Variants in CHSY3 observed in about 807,000 individuals in gnomAD.
The protein encoded by CHSY3 is N-acetylgalactosaminyl-proteoglycan 3-beta-glucuronosyltransferase 3.
CHSY3 carries 35 observed loss-of-function variants against 67.2 expected under a neutral mutation model. That is an observed-to-expected ratio of 0.52 (90% CI 0.40 to 0.69). The LOEUF (loss-of-function observed/expected upper bound fraction) is 0.69, where lower values mean the gene tolerates loss of function less well. Among genes scored for constraint, CHSY3 ranks in the 30% least tolerant of loss-of-function variants. The probability of loss-of-function intolerance (pLI) is 0.00; values close to 1 mark genes in which losing one functional copy is unlikely to be tolerated. For synonymous variants in CHSY3, 474 were observed against 434.7 expected (o/e 1.09, Z -1.12); for missense variants, 1,069 against 1,138.5 (o/e 0.94, Z 0.88).
At chr5:129,944,199 A>G (rs926865528) in intron 2 of CHSY3, among the ~76,000 whole-genome samples, 4 of 152,232 alleles carry the variant, frequency 2.6e-5, no homozygotes, top group Admixed American at 6.5e-5. Flanking sequence ...TTCAACAGAG[A>G]TAAGTGACCC....
At chr5:130,057,161 T>C (rs941534010) in intron 2 of CHSY3, among the ~76,000 whole-genome samples, 4 of 151,874 alleles carry the variant, frequency 2.6e-5, no homozygotes, top group African/African-American at 9.7e-5. Context: ...CCTGACCTTG[T>C]GATCCACCCA....
At chr5:129,989,774 G>T (rs1256238439) in intron 2 of CHSY3, among the ~76,000 whole-genome samples, 2 of 152,170 alleles carry the variant, frequency 1.3e-5, no homozygotes, top group Admixed American at 1.3e-4. Context: ...TAATTATAGT[G>T]CATGCTTCAT....
intron 2 of CHSY3, among the ~76,000 whole-genome samples, chr5:129,929,488 C>T (rs181488537): frequency 2.6e-4 from 39 of 152,272 alleles, no homozygotes; most frequent in Admixed American, 2.4e-3. Context: ...ACACATCACA[C>T]TAGAATTTCA....
At chr5:129,975,376 G>A (rs1280856460) in intron 2 of CHSY3, among the ~76,000 whole-genome samples, 2 of 152,036 alleles carry the variant, frequency 1.3e-5, no homozygotes, top group Non-Finnish European at 2.9e-5. Flanking sequence ...ATTACAAAAT[G>A]ACTTATCGTT....
intron 2 of CHSY3, among the ~76,000 whole-genome samples, chr5:129,986,614 A>T (rs1421578152): frequency 6.6e-6 from 1 of 152,122 alleles, no homozygotes; most frequent in Non-Finnish European, 1.5e-5. Flanking sequence ...TTTCAACATT[A>T]TCAGAAAAGG....
chr5:130,183,583 T>C (rs897634851), intron 2 of CHSY3, among the ~76,000 whole-genome samples: 11 of 152,100 alleles, frequency 7.2e-5, no homozygotes, highest in African/African-American at 2.7e-4. Context: ...CGTGATCTGT[T>C]ATGGGGTTAT....
At chr5:130,171,100 C>G (rs778791832) in intron 2 of CHSY3, among the ~76,000 whole-genome samples, 1 of 151,958 alleles carries the variant, frequency 6.6e-6, no homozygotes, top group Non-Finnish European at 1.5e-5. Context: ...ATAGTGAGTA[C>G]TTAAAATGTT....
intron 2 of CHSY3, among the ~76,000 whole-genome samples, chr5:130,126,983 T>C (rs1768313732): frequency 6.6e-6 from 1 of 152,168 alleles, no homozygotes; most frequent in African/African-American, 2.4e-5. Flanking sequence ...CCTTTTTGGC[T>C]TTGCACCAAG....
chr5:130,061,943 CATT>C (rs1486994394), intron 2 of CHSY3, among the ~76,000 whole-genome samples: 1 of 150,748 alleles, frequency 6.6e-6, no homozygotes, highest in Admixed American at 6.6e-5. Context: ...AACACTTAGA[CATT>C]GTTGGTAAGA....
intron 2 of CHSY3, among the ~76,000 whole-genome samples, chr5:130,048,518 G>A (rs1367337654): frequency 6.6e-6 from 1 of 151,912 alleles, no homozygotes; most frequent in African/African-American, 2.4e-5. Context: ...TCTATGGAGT[G>A]CAGCTTGGAG....
intron 1 of CHSY3, among the ~76,000 whole-genome samples, chr5:129,906,489 G>T (rs1203373647): frequency 1.3e-5 from 2 of 152,206 alleles, no homozygotes; most frequent in Non-Finnish European, 2.9e-5. Context: ...GAGGCTGGAA[G>T]TCCTTCCCAG....
chr5:130,083,948 CT>C (rs1766523049), intron 2 of CHSY3, among the ~76,000 whole-genome samples: 1 of 151,162 alleles, frequency 6.6e-6, no homozygotes, highest in Non-Finnish European at 1.5e-5. Context: ...CAGTTTTTTC[CT>C]TCCTCCAAAT....
intron 2 of CHSY3, among the ~76,000 whole-genome samples, chr5:130,091,742 G>A (rs888662989): frequency 6.6e-6 from 1 of 152,078 alleles, no homozygotes; most frequent in African/African-American, 2.4e-5. Context: ...TTTAGATAGG[G>A]GGAAATGGCA....
At chr5:129,960,028 C>A (rs1214910214) in intron 2 of CHSY3, among the ~76,000 whole-genome samples, 1 of 152,036 alleles carries the variant, frequency 6.6e-6, no homozygotes, top group Non-Finnish European at 1.5e-5. Context: ...AGTTTTATGA[C>A]AAGAGATGAT....
chr5:130,095,233 T>C (rs1767005087), intron 2 of CHSY3, among the ~76,000 whole-genome samples: 1 of 152,130 alleles, frequency 6.6e-6, no homozygotes, highest in South Asian at 2.1e-4. Flanking sequence ...ATTTCCCCAA[T>C]AGCAATGAGC....
At chr5:129,925,862 A>C (rs116405308) in intron 2 of CHSY3, among the ~76,000 whole-genome samples, 1 of 147,960 alleles carries the variant, frequency 6.8e-6, no homozygotes, top group South Asian at 2.2e-4. Flanking sequence ...GTATTCTTGA[A>C]TATTTCTTAT....
chr5:130,089,908 T>C (rs1766818249), intron 2 of CHSY3, among the ~76,000 whole-genome samples: 1 of 152,190 alleles, frequency 6.6e-6, no homozygotes, highest in Non-Finnish European at 1.5e-5. Flanking sequence ...CAACAAAGGT[T>C]GTTCATCCAA....
At chr5:129,906,964 G>T (rs1374982235) in intron 1 of CHSY3, among the ~76,000 whole-genome samples, 1 of 152,152 alleles carries the variant, frequency 6.6e-6, no homozygotes, top group Non-Finnish European at 1.5e-5. Context: ...CTCTAGAGCA[G>T]GTTGGAATAG....
chr5:130,048,896 T>G (rs1322566089), intron 2 of CHSY3, among the ~76,000 whole-genome samples: 3 of 151,970 alleles, frequency 2.0e-5, no homozygotes, highest in Non-Finnish European at 2.9e-5. Context: ...GAAGAATGAA[T>G]TTTTTGTGAT....
Sources: gnomAD v4.1 joint callset for allele counts (sites outside exome capture counted in the v4.1 genomes callset) on GRCh38, gnomAD v4.1.1 for gene constraint, MANE v1.5 for transcripts, NCBI Gene and HGNC (gene_info 2026-07-23, HGNC 2026-07-21) for gene names.